Variants in EPHB1 observed in about 807,000 individuals in gnomAD.
The protein encoded by EPHB1 is EPH receptor B1, also known as ephrin type-B receptor 1.
Under a neutral mutation model 94.4 loss-of-function variants are expected in EPHB1, and 30 were observed. The observed-to-expected ratio is 0.32, with a 90% confidence interval of 0.24 to 0.43. The LOEUF is 0.43. Among genes scored for constraint, EPHB1 ranks in the 20% least tolerant of loss-of-function variants. The pLI, the probability that EPHB1 is intolerant of heterozygous loss-of-function variation, is 1.00. For missense variants in EPHB1, 1,055 were observed against 1,308.3 expected, an observed-to-expected ratio of 0.81 and a Z score of 2.99; for synonymous variants, 522 against 489.1, an observed-to-expected ratio of 1.07 and a Z score of -0.89.
intron 8 of EPHB1, 26 bp from the exon 9 acceptor site, chr3:135,166,916 G>T: frequency 6.2e-7 from 1 of 1,613,460 alleles, no homozygotes; most frequent in Non-Finnish European, 8.5e-7. Context: ...CCCTGTGGCT[G>T]AGAGAGCCCC....
chr3:135,036,330 A>G (rs1936648034), intron 3 of EPHB1, among the ~76,000 whole-genome samples: 1 of 152,184 alleles, frequency 6.6e-6, no homozygotes, highest in Non-Finnish European at 1.5e-5. Flanking sequence ...TGAATTGGAC[A>G]GGGAGAAAAT....
intron 3 of EPHB1, among the ~76,000 whole-genome samples, chr3:135,081,515 T>C (rs963974099): frequency 2.0e-5 from 3 of 152,174 alleles, no homozygotes; most frequent in African/African-American, 7.2e-5. Flanking sequence ...CTTCTAGTGC[T>C]GAGGCAAGTA....
intron 3 of EPHB1, among the ~76,000 whole-genome samples, chr3:135,061,317 C>A (rs192763230): frequency 6.6e-6 from 1 of 151,156 alleles, no homozygotes; most frequent in Non-Finnish European, 1.5e-5. Context: ...TCCGTTGTAT[C>A]ATTCTTATGC....
chr3:134,960,920 A>G (rs908501048), intron 3 of EPHB1, among the ~76,000 whole-genome samples: 5 of 113,278 alleles, frequency 4.4e-5, no homozygotes, highest in African/African-American at 1.9e-4. Flanking sequence ...GGGTCTCTAC[A>G]TCAGCACACC....
intron 1 of EPHB1, among the ~76,000 whole-genome samples, chr3:134,820,478 TGAAGAGAAGAATCGGGGG>T (rs897484127): frequency 3.9e-5 from 6 of 152,192 alleles, no homozygotes; most frequent in Non-Finnish European, 8.8e-5. Context: ...GCTGCCTTTA[TGAAGAGAAGAATCGGGGG>T]GAAGAGATGC....
chr3:135,237,547 G>C (rs565016608), intron 12 of EPHB1, among the ~76,000 whole-genome samples: 1 of 152,176 alleles, frequency 6.6e-6, no homozygotes, highest in Admixed American at 6.5e-5. Flanking sequence ...CCCTGCGGCA[G>C]CTCTAGGGAA....
chr3:134,811,973 C>G (rs1056990501), intron 1 of EPHB1, among the ~76,000 whole-genome samples: 3 of 152,132 alleles, frequency 2.0e-5, no homozygotes, highest in African/African-American at 7.2e-5. Flanking sequence ...AACTCAGAAG[C>G]CTTGGGCAGG....
At chr3:134,904,438 C>A (rs377168944) in intron 1 of EPHB1, among the ~76,000 whole-genome samples, 32 of 152,036 alleles carry the variant, frequency 2.1e-4, no homozygotes, top group African/African-American at 5.1e-4. Flanking sequence ...GGGGTGCCTG[C>A]GAGTGGGTGT....
At chr3:134,842,971 C>T (rs1331180325) in intron 1 of EPHB1, among the ~76,000 whole-genome samples, 1 of 152,116 alleles carries the variant, frequency 6.6e-6, no homozygotes, top group African/African-American at 2.4e-5. Context: ...ATATATTTAC[C>T]ATTTCCAGTG....
Position 134,985,746 on chromosome 3 carries a change from C to T in EPHB1, c.805+33694C>T, listed in dbSNP as rs540124369. 3.9e-5 allele frequency among the ~76,000 whole-genome samples: 6 copies of T among 152,166 alleles called. No individual in the cohort carries two copies. In the South Asian group the frequency reaches 1.2e-3, roughly 32 times the overall value. ...CTAAATATTAGCTACTCAAGTTACT[C>T]CTGTTTTGTTCTTTTAGTTCACTGA... On this transcript the variant is annotated intron_variant, in intron 3 of 15. Coordinates refer to ENST00000398015, the MANE Select transcript of EPHB1 (RefSeq NM_004441.5).
chr3:135,182,103 A>G (rs949046474), intron 10 of EPHB1, among the ~76,000 whole-genome samples: 14 of 152,208 alleles, frequency 9.2e-5, no homozygotes, highest in African/African-American at 3.4e-4. Context: ...ACACTCCTGC[A>G]GGGAACCAAT....
intron 5 of EPHB1, among the ~76,000 whole-genome samples, chr3:135,150,305 G>A (rs907786323): frequency 4.6e-5 from 7 of 152,220 alleles, no homozygotes; most frequent in South Asian, 4.1e-4. Context: ...GAGTCACAGC[G>A]TGCAGTGGAA....
At chr3:135,156,413 G>C (rs1941356855) in intron 6 of EPHB1, among the ~76,000 whole-genome samples, 1 of 152,302 alleles carries the variant, frequency 6.6e-6, no homozygotes, top group East Asian at 1.9e-4. Flanking sequence ...TGAATAGTGG[G>C]ACATGACTGC....
chr3:135,109,039 G>T (rs1307136253), intron 4 of EPHB1, among the ~76,000 whole-genome samples: 1 of 152,178 alleles, frequency 6.6e-6, no homozygotes, highest in African/African-American at 2.4e-5. Flanking sequence ...AGCAGGGAGG[G>T]GTTGCGAAGG....
At chr3:135,101,928 TC>T (rs2107796971) in intron 3 of EPHB1, among the ~76,000 whole-genome samples, 1 of 152,268 alleles carries the variant, frequency 6.6e-6, no homozygotes, top group Non-Finnish European at 1.5e-5. Context: ...CATTCCATTG[TC>T]CACCTCCCTC....
chr3:134,888,929 G>C (rs1417432917), intron 1 of EPHB1, among the ~76,000 whole-genome samples: 3 of 152,088 alleles, frequency 2.0e-5, no homozygotes. Flanking sequence ...CCCTGCAAAA[G>C]TTCTGAGCCT....
intron 3 of EPHB1, among the ~76,000 whole-genome samples, chr3:135,097,168 G>GTTT (rs145129220): frequency 4.1e-4 from 43 of 104,540 alleles, no homozygotes; most frequent in South Asian, 7.6e-4. Context: ...TTTTTTCTTT[G>GTTT]TTTTTTTTTT....
chr3:135,092,283 G>A (rs1325631241), intron 3 of EPHB1, among the ~76,000 whole-genome samples: 1 of 152,140 alleles, frequency 6.6e-6, no homozygotes, highest in Non-Finnish European at 1.5e-5. Context: ...AATGACCTGG[G>A]GCTCTCAGAG....
chr3:134,965,390 T>A (rs777818483), intron 3 of EPHB1, among the ~76,000 whole-genome samples: 1 of 152,134 alleles, frequency 6.6e-6, no homozygotes, highest in Admixed American at 6.5e-5. Flanking sequence ...CTACCTACCC[T>A]GCCCACTTCT....
Sources: allele counts gnomAD v4.1 joint callset (sites outside exome capture counted in the v4.1 genomes callset), GRCh38; gene constraint gnomAD v4.1.1; transcripts MANE v1.5; gene names NCBI Gene and HGNC (gene_info 2026-07-23, HGNC 2026-07-21).